The following ADAMTS2 variants were observed in gnomAD, a reference collection of about 807,000 sequenced individuals.
ADAMTS2 encodes A disintegrin and metalloproteinase with thrombospondin motifs 2.
Under a neutral mutation model 123.0 loss-of-function variants are expected in ADAMTS2, and 50 were observed. The ratio of observed to expected loss-of-function variants is 0.41; its 90% CI spans 0.32 to 0.51. The LOEUF is 0.51. Ranked by LOEUF, ADAMTS2 falls within the 20% of genes least tolerant of loss-of-function variation. The probability of loss-of-function intolerance (pLI) is 0.35; values close to 1 mark genes in which losing one functional copy is unlikely to be tolerated. For synonymous variants in ADAMTS2, 678 were observed against 695.4 expected (o/e 0.98, Z 0.39); for missense variants, 1,494 against 1,705.2 (o/e 0.88, Z 2.18).
chr5:179,156,824 C>G (rs1763480835), intron 6 of ADAMTS2, among the ~76,000 whole-genome samples: 1 of 152,110 alleles, frequency 6.6e-6, no homozygotes, highest in Admixed American at 6.6e-5. Context: ...TAAATTATCT[C>G]TATTTTCTCT....
At position 179,162,757 on chromosome 5, in the gene ADAMTS2, C is replaced by A. The variant is rs1221649043; in HGVS notation, c.976-3878G>T. ...TGGCGGCCATCACGAAGGCTGCCTG[C>A]CACTGACGGGTGTCATTTATGCCTG... is the stretch of plus-strand genomic sequence containing the variant. On this transcript the variant is annotated intron_variant, in intron 5 of 21. Coordinates refer to ENST00000251582, the MANE Select transcript of ADAMTS2 (RefSeq NM_014244.5). The surrounding 1 kb of genome is among the most constrained non-coding windows in gnomAD (Gnocchi z 5.1). Among the ~76,000 whole-genome samples the A allele has an allele frequency of 1.3e-5, 2 of 152,234 alleles. No homozygotes were observed. Among genetic ancestry groups the A allele is most frequent in the Non-Finnish European group, 2.9e-5 (2 of 68,042 alleles).
Position 179,129,912 on chromosome 5 carries a change from C to T in ADAMTS2, c.2457+20G>A, listed in dbSNP as rs1397184253. 6.2e-7 allele frequency: 1 copy of T among 1,613,576 alleles called. No individual in the cohort carries two copies. The highest frequency in any genetic ancestry group is 8.5e-7 in the Non-Finnish European group (1 of 1,179,990). On this transcript the variant is annotated intron_variant, in intron 16 of 21. Coordinates refer to ENST00000251582, the MANE Select transcript of ADAMTS2 (RefSeq NM_014244.5). This position sits in a 1 kb window ranked among gnomAD's most constrained non-coding sequence, Gnocchi z 4.1. ...TGGCCACCCGCACCCTTCCCTGGGCCCAGCCCTGCTTGGACTCACCAGAAC... is the reference window on the plus strand; with the variant it reads ...TGGCCACCCGCACCCTTCCCTGGGCTCAGCCCTGCTTGGACTCACCAGAAC...
At chr5:179,178,407 T>C (rs1184588342) in intron 5 of ADAMTS2, among the ~76,000 whole-genome samples, 2 of 152,216 alleles carry the variant, frequency 1.3e-5, no homozygotes, top group African/African-American at 4.8e-5. Flanking sequence ...TCTGCCCTCC[T>C]AGCCAGCATT....
intron 3 of ADAMTS2, among the ~76,000 whole-genome samples, chr5:179,223,005 C>T (rs1765160367): frequency 6.6e-6 from 1 of 152,264 alleles, no homozygotes; most frequent in Non-Finnish European, 1.5e-5. Context: ...CAGTTCCTAC[C>T]TGCCTGCCCT....
In ADAMTS2 at chr5:179,262,380, C is replaced by T. The variant is rs1581228715; in HGVS notation, c.688+10531G>A. 1.3e-5 allele frequency among the ~76,000 whole-genome samples: 2 copies of T among 152,056 alleles called. No homozygotes were observed. The highest frequency in any genetic ancestry group is 2.1e-4 in the South Asian group (1 of 4,804). ...CACTGCCTCCACCGCCATCTGTCAC[C>T]GGGACTCCTCCCTGCTTCCACACCG... On this transcript the variant is annotated intron_variant, in intron 3 of 21. Transcript: ENST00000251582. The surrounding 1 kb of genome is among the most constrained non-coding windows in gnomAD (Gnocchi z 5.9).
At chr5:179,267,348 G>A (rs915508276) in intron 3 of ADAMTS2, among the ~76,000 whole-genome samples, 2 of 152,238 alleles carry the variant, frequency 1.3e-5, no homozygotes, top group African/African-American at 4.8e-5. Context: ...TTGGTGCAGC[G>A]AGGCTGAGAG....
intron 3 of ADAMTS2, among the ~76,000 whole-genome samples, chr5:179,222,551 C>G (rs1165474432): frequency 6.6e-6 from 1 of 152,226 alleles, no homozygotes; most frequent in Non-Finnish European, 1.5e-5. Flanking sequence ...GCTCAGAAGA[C>G]TGGACCAGCA....
intron 2 of ADAMTS2, among the ~76,000 whole-genome samples, chr5:179,330,052 G>C (rs1757440040): frequency 6.6e-6 from 1 of 150,832 alleles, no homozygotes; most frequent in African/African-American, 2.4e-5. Flanking sequence ...CGTGAACCCG[G>C]GAAGCGGAGC....
chr5:179,205,929 G>A (rs957539180), intron 4 of ADAMTS2, among the ~76,000 whole-genome samples: 96 of 151,962 alleles, frequency 6.3e-4, no homozygotes, highest in African/African-American at 2.1e-3. Flanking sequence ...CCGCCACCAC[G>A]CCCGGCTAAT....
At chr5:179,149,344 C>T (rs2113239630) in intron 10 of ADAMTS2, among the ~76,000 whole-genome samples, 1 of 152,346 alleles carries the variant, frequency 6.6e-6, no homozygotes, top group Middle Eastern at 3.4e-3. Context: ...GGCACCCTGA[C>T]CTTGGGCTTC....
At chr5:179,195,627 C>A (rs1401691343) in intron 4 of ADAMTS2, among the ~76,000 whole-genome samples, 1 of 152,256 alleles carries the variant, frequency 6.6e-6, no homozygotes, top group East Asian at 1.9e-4. Flanking sequence ...TCGCCCGAGT[C>A]CCCACCACTC....
At position 179,174,959 on chromosome 5, in the gene ADAMTS2, G is replaced by A. The variant is rs4701076; in HGVS notation, c.975+6113C>T. ...GAAGTCTCTTCCTTGCTTGGGCTCC[G>A]CAGCTGTCTCAGCCATTCTTGACCG... is the stretch of plus-strand genomic sequence containing the variant. On this transcript the variant is annotated intron_variant, in intron 5 of 21. Coordinates refer to ENST00000251582, the MANE Select transcript of ADAMTS2 (RefSeq NM_014244.5). Among the ~76,000 whole-genome samples the A allele has an allele frequency of 1.3e-4, 19 of 140,944 alleles. 1 individual carries two copies. The highest frequency in any genetic ancestry group is 9.6e-4 in the South Asian group (4 of 4,160). The allele number at this position is 140,944 out of a possible 152,430, so 92.5% of individuals were successfully genotyped here. A position where few individuals can be genotyped will look rare whatever the true frequency, so the allele number is the denominator to read the frequency against.
chr5:179,309,382 C>A (rs973764163), intron 2 of ADAMTS2, among the ~76,000 whole-genome samples: 8 of 152,296 alleles, frequency 5.3e-5, no homozygotes, highest in African/African-American at 1.9e-4. Flanking sequence ...GACACCTGCT[C>A]CCCTGGCAAC....
At chr5:179,271,911 G>A (rs1344734615) in intron 3 of ADAMTS2, among the ~76,000 whole-genome samples, 2 of 152,154 alleles carry the variant, frequency 1.3e-5, no homozygotes, top group Admixed American at 6.5e-5. Flanking sequence ...CAGCACGGGG[G>A]CTGGCCCAGC....
intron 21 of ADAMTS2, among the ~76,000 whole-genome samples, chr5:179,116,867 C>T (rs937537640): frequency 6.6e-6 from 1 of 152,058 alleles, no homozygotes; most frequent in African/African-American, 2.4e-5. Context: ...TAAAACCCAT[C>T]GGCCATCAGG....
intron 7 of ADAMTS2, 86 bp from the exon 8 acceptor site, chr5:179,154,278 A>T (rs534813510): frequency 8.5e-6 from 13 of 1,521,856 alleles, no homozygotes; most frequent in African/African-American, 5.5e-5. Context: ...AGGGTGCCCC[A>T]TCTTTCCCCA....
chr5:179,335,230 G>A (rs1212132148), intron 2 of ADAMTS2, among the ~76,000 whole-genome samples: 1 of 151,942 alleles, frequency 6.6e-6, no homozygotes, highest in Non-Finnish European at 1.5e-5. Flanking sequence ...AAAAGACACA[G>A]GTGAAATTAA....
chr5:179,138,955 C>A (rs904091298), intron 11 of ADAMTS2, among the ~76,000 whole-genome samples: 9 of 152,212 alleles, frequency 5.9e-5, no homozygotes, highest in Admixed American at 1.3e-4. Flanking sequence ...ATCTGTGATG[C>A]CCAATTTGGA....
chr5:179,345,303 C>A lies in ADAMTS2; in HGVS notation c.26G>T (p.Arg9Leu). 1 of 1,136,408 alleles carries A rather than the reference C, an allele frequency of 8.8e-7. No homozygotes were observed. The highest frequency in any genetic ancestry group is 4.5e-5 in the East Asian group (1 of 22,332). The allele number at this position is 1,136,408 out of a possible 1,614,324, so 70.4% of individuals were successfully genotyped here. MDPPAGAA[R>L]RLLCPALLLL... Reference sequence around the variant, plus strand: ...CAGCAGCGCGGGGCAGAGCAGGCGGCGAGCGGCTCCCGCCGGCGGATCCAT... The same window carrying A: ...CAGCAGCGCGGGGCAGAGCAGGCGGAGAGCGGCTCCCGCCGGCGGATCCAT... Residue 9 changes from arginine (R) to leucine (L), a missense_variant, in exon 1 of 22, where the codon CGC (arginine) becomes CTC (leucine). Coordinates refer to ENST00000251582, the MANE Select transcript of ADAMTS2 (RefSeq NM_014244.5). This position sits in a 1 kb window ranked among gnomAD's most constrained non-coding sequence, Gnocchi z 7.5.
Sources: gnomAD v4.1 joint callset for allele counts (sites outside exome capture counted in the v4.1 genomes callset) on GRCh38, gnomAD v4.1.1 for gene constraint, Gnocchi (gnomAD v3.1) non-coding constraint, MANE v1.5 for transcripts, NCBI Gene and HGNC (gene_info 2026-07-23, HGNC 2026-07-21) for gene names.